The following ALPK1 variants were observed in gnomAD, a reference collection of about 807,000 sequenced individuals.
The protein encoded by ALPK1 is alpha-protein kinase 1.
Under a neutral mutation model 120.6 loss-of-function variants are expected in ALPK1, and 110 were observed. That is an observed-to-expected ratio of 0.91 (90% CI 0.78 to 1.07). The LOEUF is 1.07. Ranked by LOEUF, ALPK1 falls within the 50% of genes least tolerant of loss-of-function variation. The pLI is 0.00. For missense variants in ALPK1, 1,498 were observed against 1,483.9 expected (o/e 1.01, Z -0.16); for synonymous variants, 582 against 560.3 (o/e 1.04, Z -0.55).
intron 2 of ALPK1, among the ~76,000 whole-genome samples, chr4:112,336,483 A>G (rs755399031): frequency 1.6e-4 from 24 of 152,222 alleles, no homozygotes; most frequent in Non-Finnish European, 2.8e-4. Flanking sequence ...AATAGAGATG[A>G]CCAAAAATTA....
intron 4 of ALPK1, among the ~76,000 whole-genome samples, chr4:112,392,828 G>A (rs1436767976): frequency 6.6e-6 from 1 of 152,094 alleles, no homozygotes; most frequent in Non-Finnish European, 1.5e-5. Flanking sequence ...ACTGCACCTG[G>A]GTCTCTTTCC....
chr4:112,339,196 C>A (rs749598592), intron 2 of ALPK1, among the ~76,000 whole-genome samples: 12 of 152,140 alleles, frequency 7.9e-5, no homozygotes, highest in Non-Finnish European at 1.5e-4. Flanking sequence ...TGAGGGACAA[C>A]CCTGGATCTG....
chr4:112,341,973 T>C (rs1264954643), intron 2 of ALPK1, among the ~76,000 whole-genome samples: 5 of 152,202 alleles, frequency 3.3e-5, no homozygotes, highest in Non-Finnish European at 5.9e-5. Flanking sequence ...AAGAGACTTC[T>C]TTGTTGACCA....
chr4:112,377,685 G>T lies in ALPK1; in HGVS notation c.-93G>T. 1.6e-6 allele frequency: 2 copies of T among 1,241,206 alleles called. No individual in the cohort carries two copies. The highest frequency in any genetic ancestry group is 2.6e-5 in the Admixed American group (1 of 38,974). 76.9% of individuals were successfully genotyped at this position (1,241,206 alleles called of 1,614,324 possible). Reference sequence around the variant, plus strand: ...CTCTCTTTTGTTCACCAGGTACTTCGGCCTTCAAGGGGCTCCTTTATTGAG... The same window carrying T: ...CTCTCTTTTGTTCACCAGGTACTTCTGCCTTCAAGGGGCTCCTTTATTGAG... On this transcript the variant is annotated 5_prime_UTR_variant, in exon 3 of 16. Coordinates refer to ENST00000650871, the MANE Select transcript of ALPK1 (RefSeq NM_025144.4).
At chr4:112,411,760 G>A (rs1733476610) in intron 4 of ALPK1, 67 bp from the exon 5 acceptor site, 4 of 1,489,546 alleles carry the variant, frequency 2.7e-6, no homozygotes, top group South Asian at 1.2e-5. Context: ...TGCCTCCCAC[G>A]CTAAGCCTGG....
At chr4:112,383,934 C>A (rs536148320) in intron 4 of ALPK1, 2 of 152,238 alleles carry the variant, frequency 1.3e-5, no homozygotes, top group South Asian at 4.1e-4. Context: ...TAATATAATG[C>A]CTATTTTGTA....
chr4:112,428,554 C>A (rs889448878), intron 9 of ALPK1, among the ~76,000 whole-genome samples: 1 of 152,166 alleles, frequency 6.6e-6, no homozygotes, highest in Non-Finnish European at 1.5e-5. Flanking sequence ...TCCCTGATGA[C>A]CGTTTAAAAT....
chr4:112,321,045 T>C (rs1241392899), intron 2 of ALPK1, among the ~76,000 whole-genome samples: 3 of 151,808 alleles, frequency 2.0e-5, no homozygotes, highest in South Asian at 2.1e-4. Flanking sequence ...TACAGGCGCC[T>C]GCCACCACGC....
At chr4:112,439,643 C>A in intron 13 of ALPK1, 43 bp from the exon 14 acceptor site, 1 of 1,529,428 alleles carries the variant, frequency 6.5e-7, no homozygotes, top group Non-Finnish European at 8.8e-7. Context: ...AAGACAATGG[C>A]CTTTACCATT....
intron 4 of ALPK1, among the ~76,000 whole-genome samples, chr4:112,403,298 CAAAT>C (rs2148743257): frequency 6.6e-6 from 1 of 151,866 alleles, no homozygotes; most frequent in Non-Finnish European, 1.5e-5. Flanking sequence ...TACTTGGCAG[CAAAT>C]GAAAGTGGGT....
At chr4:112,411,697 C>T (rs1733472131) in intron 4 of ALPK1, 130 bp from the exon 5 acceptor site, 1 of 829,242 alleles carries the variant, frequency 1.2e-6, no homozygotes, top group Admixed American at 2.7e-5. Flanking sequence ...GTTCAGCTGC[C>T]TAACAAAGTA....
chr4:112,357,039 C>T (rs758716070), intron 2 of ALPK1: 186 of 850,272 alleles, frequency 2.2e-4, no homozygotes, highest in Non-Finnish European at 3.4e-4. Context: ...GCGGACCCCA[C>T]CAGCTCAGGG....
At chr4:112,425,558 T>C (rs916868) in intron 6 of ALPK1, 107 bp from the exon 7 acceptor site, 479,777 of 889,348 alleles carry the variant, frequency 0.54, 130,835 homozygotes, top group East Asian at 0.7. Flanking sequence ...ACGAGATTGT[T>C]TCTCAAAATG....
intron 2 of ALPK1, chr4:112,356,964 T>C: frequency 3.9e-6 from 3 of 767,356 alleles, no homozygotes; most frequent in East Asian, 2.5e-5. Context: ...CTGGACGTCA[T>C]AGACCAGGTG....
chr4:112,297,721 G>C (rs1727603212), intron 1 of ALPK1, among the ~76,000 whole-genome samples: 1 of 152,038 alleles, frequency 6.6e-6, no homozygotes, highest in Non-Finnish European at 1.5e-5. Flanking sequence ...GTAAACTGTA[G>C]TCATTATGAA....
intron 4 of ALPK1, among the ~76,000 whole-genome samples, chr4:112,386,310 G>A (rs1337658793): frequency 6.6e-6 from 1 of 152,136 alleles, no homozygotes; most frequent in East Asian, 1.9e-4. Context: ...CACAAAGCTT[G>A]CTGACTTGAG....
At chr4:112,401,309 G>A (rs1272112275) in intron 4 of ALPK1, among the ~76,000 whole-genome samples, 1 of 152,206 alleles carries the variant, frequency 6.6e-6, no homozygotes, top group Non-Finnish European at 1.5e-5. Context: ...TGATGGGATA[G>A]TACAAAACAG....
rs777183456 is a variant in ALPK1, at chr4:112,426,465, AG to A, written c.624del. Reference sequence around the variant, plus strand: ...TCTCCCCGCCCCTCTTTTTTTTTTCAGGGATGTGGTACGAAGCAGCAGAGTT... The same window carrying A: ...TCTCCCCGCCCCTCTTTTTTTTTTCAGGATGTGGTACGAAGCAGCAGAGTT... On this transcript the variant is annotated splice_acceptor_variant, in intron 7 of 15. Coordinates refer to ENST00000650871, the MANE Select transcript of ALPK1 (RefSeq NM_025144.4). LOFTEE classifies it high-confidence loss of function. 2 of 1,589,360 alleles carry A rather than the reference AG, an allele frequency of 1.3e-6. No individual in the cohort carries two copies. The highest frequency in any genetic ancestry group is 2.3e-5 in the South Asian group (2 of 88,710).
In ALPK1 at chr4:112,429,010, T is replaced by G. The variant is rs1734400724; in HGVS notation, c.796-139T>G. 9.1e-6 allele frequency: 7 copies of G among 765,216 alleles called. No individual in the cohort carries two copies. In the East Asian group the frequency reaches 1.8e-4, roughly 19 times the overall value. The allele number at this position is 765,216 out of a possible 1,614,324, so 47.4% of individuals were successfully genotyped here. ...TGTGGTCTTTAGACCCACTTACTCTTTCTTTACACTGTTCTGAACGGGTTG... is the reference window on the plus strand; with the variant it reads ...TGTGGTCTTTAGACCCACTTACTCTGTCTTTACACTGTTCTGAACGGGTTG... On this transcript the variant is annotated intron_variant, in intron 9 of 15. Coordinates refer to ENST00000650871, the MANE Select transcript of ALPK1 (RefSeq NM_025144.4).
Sources: allele counts gnomAD v4.1 joint callset (sites outside exome capture counted in the v4.1 genomes callset), GRCh38; gene constraint gnomAD v4.1.1; transcripts MANE v1.5; gene names NCBI Gene and HGNC (gene_info 2026-07-23, HGNC 2026-07-21).